MDN1: variants seen among roughly 807,000 people sequenced by gnomAD.
The protein encoded by MDN1 is midasin.
Under a neutral mutation model 669.2 loss-of-function variants are expected in MDN1, and 266 were observed. The observed-to-expected ratio is 0.40, with a 90% CI of 0.36 to 0.44. The LOEUF is 0.44. Ranked by LOEUF, MDN1 falls within the 20% of genes least tolerant of loss-of-function variation. The probability of loss-of-function intolerance (pLI) is 1.00; values close to 1 mark genes in which losing one functional copy is unlikely to be tolerated. For synonymous variants in MDN1, 2,385 were observed against 2,457.1 expected (o/e 0.97, Z 0.87); for missense variants, 5,940 against 6,754.0 (o/e 0.88, Z 4.22).
chr6:89,756,957 AT>A (rs1227135029), intron 19 of MDN1, among the ~76,000 whole-genome samples: 2 of 151,988 alleles, frequency 1.3e-5, no homozygotes, highest in African/African-American at 4.8e-5. Context: ...AGAATTAATT[AT>A]CCTCATTTTC....
At chr6:89,738,948 A>G (rs1255369083) in intron 32 of MDN1, among the ~76,000 whole-genome samples, 1 of 152,254 alleles carries the variant, frequency 6.6e-6, no homozygotes, top group East Asian at 1.9e-4. Flanking sequence ...GAAATTGTTT[A>G]GCCACTCCAG....
rs149847666 is a variant in MDN1, at chr6:89,745,359, C to T, written c.4092G>A (p.Val1364=). The T allele has an allele frequency of 4.9e-3, 7,860 of 1,614,038 alleles. 45 individuals are homozygous for T. Among genetic ancestry groups the T allele is most frequent in the South Asian group, 0.018 (1,658 of 91,078 alleles). The part of the protein sequence containing the change: ...STLECNFGHI[V]WTEGMRRLAM... The stretch of plus-strand genomic sequence containing the variant: ...CGAGTCTCCGCATGCCCTCAGTCCA[C>T]ACGATATGGCCAAAGTTACACTCCA... Residue 1364 remains valine (V), a synonymous_variant, in exon 29 of 102, where the codon GTG becomes GTA. Coordinates refer to ENST00000369393, the MANE Select transcript of MDN1 (RefSeq NM_014611.3).
Position 89,714,583 on chromosome 6 carries a change from G to T in MDN1, c.7029C>A (p.Ile2343=), listed in dbSNP as rs748926575. 1 of 1,613,620 alleles carries T rather than the reference G, an allele frequency of 6.2e-7. No individual in the cohort carries two copies. Among genetic ancestry groups the T allele is most frequent in the Non-Finnish European group, 8.5e-7 (1 of 1,179,760 alleles). Reference sequence around the variant, plus strand: ...GGGTCTCTGTGTGTAAAGCCAAGAGGATGTCACATACACTGTTCCCCACCA... The same window carrying T: ...GGGTCTCTGTGTGTAAAGCCAAGAGTATGTCACATACACTGTTCCCCACCA... ...LGLVGNSVCD[I]LLALHTETRS... The change falls in exon 46 of 102, where the codon ATC becomes ATA. Residue 2343 remains isoleucine (I), a synonymous_variant. Coordinates refer to ENST00000369393, the MANE Select transcript of MDN1 (RefSeq NM_014611.3).
chr6:89,687,496 T>G, intron 67 of MDN1, 58 bp from the exon 68 acceptor site: 7 of 1,465,286 alleles, frequency 4.8e-6, no homozygotes, highest in Non-Finnish European at 4.7e-6. Context: ...AATCACCTCC[T>G]TCCTCAAGAA....
At chr6:89,813,395 C>CA (rs1346839220) in intron 1 of MDN1, among the ~76,000 whole-genome samples, 12 of 151,942 alleles carry the variant, frequency 7.9e-5, no homozygotes, top group Admixed American at 5.3e-4. Context: ...ACTAAAAATA[C>CA]AAAAAATTAG....
rs1367025982 is a variant in MDN1, at chr6:89,814,715, C to T, written c.102+4791G>A. The T allele has an allele frequency of 2.2e-4, 68 of 311,900 alleles. No individual in the cohort carries two copies. In the Admixed American group the frequency reaches 2.4e-3, roughly 11 times the overall value. The allele number at this position is 311,900 out of a possible 1,614,324, so 19.3% of individuals were successfully genotyped here. A position where few individuals can be genotyped will look rare whatever the true frequency, so the allele number is the denominator to read the frequency against. ...GCAGGATGCGAGGGCCTCCATGCAC[C>T]GGAGATCTCTCCAGCACCAGGAGCA... On this transcript the variant is annotated intron_variant, in intron 1 of 101. Transcript: ENST00000369393.
intron 72 of MDN1, 139 bp from the exon 73 acceptor site, chr6:89,683,469 A>G: frequency 1.4e-6 from 1 of 701,250 alleles, no homozygotes; most frequent in Non-Finnish European, 2.3e-6. Context: ...TTAAATATTA[A>G]TAGTTGTTTT....
intron 94 of MDN1, 80 bp from the exon 95 acceptor site, chr6:89,652,361 C>T: frequency 1.9e-6 from 2 of 1,043,918 alleles, no homozygotes; most frequent in Non-Finnish European, 2.9e-6. Context: ...TTCCGCCCTA[C>T]AGTATGAACT....
At position 89,758,282 on chromosome 6, in the gene MDN1, C is replaced by T; in HGVS notation, c.2675G>A (p.Arg892Lys). The change falls in exon 19 of 102, where the codon AGA (arginine) becomes AAA (lysine). Residue 892 changes from arginine (R) to lysine (K), a missense_variant. Transcript: ENST00000369393. ...GTTTCTTATTCCTGGTGGGAGATTT[C>T]TTTTGCCTACATCAGTTGCTGGATT... Reference protein sequence around the residue: ...CMNPATDVGKRNLPPGIRNRF... With the variant: ...CMNPATDVGKKNLPPGIRNRF... 6.2e-7 allele frequency: 1 copy of T among 1,611,752 alleles called. No homozygotes were observed. The highest frequency in any genetic ancestry group is 1.7e-5 in the Admixed American group (1 of 59,850).
chr6:89,756,230 T>C (rs766765327), intron 20 of MDN1, 47 bp downstream of exon 20: 2 of 920,428 alleles, frequency 2.2e-6, no homozygotes, highest in Admixed American at 2.7e-5. Context: ...TAGCACATTT[T>C]CATGTTCAGA....
chr6:89,787,086 A>C (rs1258966057), intron 8 of MDN1, among the ~76,000 whole-genome samples: 1 of 151,566 alleles, frequency 6.6e-6, no homozygotes. Context: ...AGAAAAAAAA[A>C]AAAAGAGTAA....
At position 89,654,259 on chromosome 6, in the gene MDN1, G is replaced by A. The variant is rs747634436; in HGVS notation, c.15566C>T (p.Thr5189Ile). ...CTCCTGCTCCTCTGTGTCCATAAGG[G>A]TGTCCTCTATCTCCTCCTCTTCCTG... ...KDQEEEEIED[T>I]LMDTEEQEEF... The change falls in exon 93 of 102, where the codon ACC becomes ATC. Residue 5189 changes from threonine (T) to isoleucine (I), a missense_variant. By Grantham distance (89) the Thr-to-Ile change is moderately conservative. Transcript: ENST00000369393. The A allele has an allele frequency of 3.1e-6, 5 of 1,614,086 alleles. No homozygotes were observed. Among genetic ancestry groups the A allele is most frequent in the South Asian group, 1.1e-5 (1 of 91,090 alleles).
chr6:89,711,786 T>C (rs773835866), intron 49 of MDN1, among the ~76,000 whole-genome samples: 20 of 152,230 alleles, frequency 1.3e-4, no homozygotes, highest in Admixed American at 2.6e-4. Flanking sequence ...TGCTTTCCTT[T>C]TGAATTTGTT....
Position 89,710,661 on chromosome 6 carries a change from T to C in MDN1, c.7765+20A>G, listed in dbSNP as rs199846210. 2.7e-5 allele frequency: 38 copies of C among 1,407,328 alleles called. No homozygotes were observed. The Middle Eastern group carries it at 5.3e-4, about 20-fold the overall frequency. 87.2% of individuals were successfully genotyped at this position (1,407,328 alleles called of 1,614,324 possible). On this transcript the variant is annotated intron_variant, in intron 50 of 101. Coordinates refer to ENST00000369393, the MANE Select transcript of MDN1 (RefSeq NM_014611.3). ...AAGTTTCCAAAACAGTGCTGAGAGC[T>C]AGAAATCAAAAGTGCATACCTGTTG...
Position 89,710,678 on chromosome 6 carries a change from T to A in MDN1, c.7765+3A>T. Reference sequence around the variant, plus strand: ...CTGAGAGCTAGAAATCAAAAGTGCATACCTGTTGTATTTGGTTGTAATATT... The same window carrying A: ...CTGAGAGCTAGAAATCAAAAGTGCAAACCTGTTGTATTTGGTTGTAATATT... On this transcript the variant is annotated splice_donor_region_variant and intron_variant, in intron 50 of 101. Coordinates refer to ENST00000369393, the MANE Select transcript of MDN1 (RefSeq NM_014611.3). 6.5e-7 allele frequency: 1 copy of A among 1,527,332 alleles called. No individual in the cohort carries two copies. Among genetic ancestry groups the A allele is most frequent in the Non-Finnish European group, 8.9e-7 (1 of 1,125,010 alleles). The allele number at this position is 1,527,332 out of a possible 1,614,324, so 94.6% of individuals were successfully genotyped here.
At chr6:89,658,544 G>T in intron 89 of MDN1, 66 bp downstream of exon 89, 1 of 1,544,846 alleles carries the variant, frequency 6.5e-7, no homozygotes. Flanking sequence ...GGATTCTAAT[G>T]GGAATAAGGT....
chr6:89,734,885 G>C (rs1250927866), intron 33 of MDN1, among the ~76,000 whole-genome samples: 7 of 148,416 alleles, frequency 4.7e-5, no homozygotes, highest in African/African-American at 1.5e-4. Context: ...GTAAATGATA[G>C]TTGTTTCTTG....
At chr6:89,665,479 C>T (rs563461235) in intron 84 of MDN1, among the ~76,000 whole-genome samples, 17 of 151,782 alleles carry the variant, frequency 1.1e-4, no homozygotes, top group African/African-American at 3.6e-4. Flanking sequence ...GAGGCTGAGG[C>T]GGGTGGATCA....
At chr6:89,652,083 G>T in intron 95 of MDN1, 109 bp downstream of exon 95, 1 of 780,914 alleles carries the variant, frequency 1.3e-6, no homozygotes. Flanking sequence ...CATATGCCTG[G>T]TCCTTTTTGT....
Sources: allele counts gnomAD v4.1 joint callset (sites outside exome capture counted in the v4.1 genomes callset), GRCh38; gene constraint gnomAD v4.1.1; transcripts MANE v1.5; gene names NCBI Gene and HGNC (gene_info 2026-07-23, HGNC 2026-07-21).